Variants in TBC1D5 observed in about 807,000 individuals in gnomAD.
TBC1D5 encodes the protein TBC1 domain family, member 5.
TBC1D5 carries 75 observed loss-of-function variants against 100.3 expected under a neutral mutation model. The ratio of observed to expected loss-of-function variants is 0.75; its 90% CI spans 0.62 to 0.91. TBC1D5 has a LOEUF of 0.91. TBC1D5 is among the 40% of genes least tolerant of loss of function. The pLI, the probability that TBC1D5 is intolerant of heterozygous loss-of-function variation, is 0.00. For synonymous variants in TBC1D5, 323 were observed against 325.6 expected (o/e 0.99, Z 0.09); for missense variants, 910 against 942.4 (o/e 0.97, Z 0.45).
chr3:17,360,214 C>T (rs563920150), intron 13 of TBC1D5, among the ~76,000 whole-genome samples: 12 of 152,046 alleles, frequency 7.9e-5, no homozygotes, highest in African/African-American at 2.6e-4. Flanking sequence ...TTTTATTTTT[C>T]CTGACCCTTG....
intron 15 of TBC1D5, among the ~76,000 whole-genome samples, chr3:17,282,406 T>A (rs2080706938): frequency 6.6e-6 from 1 of 152,234 alleles, no homozygotes; most frequent in Non-Finnish European, 1.5e-5. Context: ...TAGATTTTCC[T>A]TACTTGTAAG....
chr3:17,508,275 C>T (rs1221329512), intron 3 of TBC1D5, among the ~76,000 whole-genome samples, 199 bp downstream of exon 3: 2 of 152,198 alleles, frequency 1.3e-5, no homozygotes, highest in Admixed American at 1.3e-4. Context: ...GCTAATGCTT[C>T]CATGAATAAC....
intron 15 of TBC1D5, among the ~76,000 whole-genome samples, chr3:17,287,588 A>G (rs570866802): frequency 4.8e-4 from 73 of 152,380 alleles, no homozygotes; most frequent in African/African-American, 1.7e-3. Flanking sequence ...AAAAGTGAGG[A>G]AAGATAACCT....
chr3:17,509,136 G>C (rs2095874426), intron 2 of TBC1D5, among the ~76,000 whole-genome samples: 1 of 151,284 alleles, frequency 6.6e-6, no homozygotes, highest in South Asian at 2.1e-4. Flanking sequence ...TGTAATCTAT[G>C]AATACTTTAA....
chr3:17,376,669 G>C lies in TBC1D5; in HGVS notation c.613-56C>G, dbSNP rs941051850. On this transcript the variant is annotated intron_variant, in intron 9 of 21. Coordinates refer to ENST00000253692, the Ensembl canonical transcript of TBC1D5. Reference sequence around the variant, plus strand: ...GATGGATACTCAGAGTCCATTAGTGGACAGTATAAACTCAGTTAAATACTT... The same window carrying C: ...GATGGATACTCAGAGTCCATTAGTGCACAGTATAAACTCAGTTAAATACTT... The C allele has an allele frequency of 3.3e-6, 5 of 1,508,420 alleles. No homozygotes were observed. In the African/African-American group the frequency reaches 7.0e-5, roughly 21 times the overall value. 93.4% of individuals were successfully genotyped at this position (1,508,420 alleles called of 1,614,324 possible). A position where few individuals can be genotyped will look rare whatever the true frequency, so the allele number is the denominator to read the frequency against.
At chr3:17,598,242 G>A (rs1046461790) in intron 2 of TBC1D5, among the ~76,000 whole-genome samples, 13 of 152,110 alleles carry the variant, frequency 8.5e-5, no homozygotes, top group African/African-American at 3.1e-4. Flanking sequence ...ATTTCCTGTG[G>A]TAGGCATAAG....
rs2077827461 is a variant in TBC1D5, at chr3:17,257,552, A to G, written c.1331+954T>C. ...AATTGCATGGTACATCAATATATGG[A>G]GCAAACAGATTTCAATCAGAGATGG... On this transcript the variant is annotated intron_variant, in intron 16 of 21. Coordinates refer to ENST00000253692, the Ensembl canonical transcript of TBC1D5. Among the ~76,000 whole-genome samples the G allele has an allele frequency of 1.3e-5, 2 of 152,202 alleles. 1 individual carries two copies. The highest frequency in any genetic ancestry group is 1.3e-4 in the Admixed American group (2 of 15,278).
chr3:17,237,613 TCTAA>T (rs1416805284), intron 17 of TBC1D5, among the ~76,000 whole-genome samples: 1 of 152,236 alleles, frequency 6.6e-6, no homozygotes, highest in East Asian at 1.9e-4. Flanking sequence ...ATTCTGTGGT[TCTAA>T]CTTTTATTTT....
At chr3:17,685,124 C>T (rs992741825) in intron 1 of TBC1D5, among the ~76,000 whole-genome samples, 1 of 151,844 alleles carries the variant, frequency 6.6e-6, no homozygotes, top group African/African-American at 2.4e-5. Flanking sequence ...ACATAATACA[C>T]AAACATTCTA....
intron 13 of TBC1D5, among the ~76,000 whole-genome samples, chr3:17,311,801 G>A (rs1414651658): frequency 6.6e-6 from 1 of 151,988 alleles, no homozygotes; most frequent in East Asian, 1.9e-4. Flanking sequence ...CACATTATAA[G>A]GGCATCTTGA....
intron 13 of TBC1D5, among the ~76,000 whole-genome samples, chr3:17,323,906 A>T (rs2085748589): frequency 6.6e-6 from 1 of 152,260 alleles, no homozygotes; most frequent in Non-Finnish European, 1.5e-5. Flanking sequence ...GAGGACTCAT[A>T]TTATGTGATA....
intron 6 of TBC1D5, 32 bp downstream of exon 6, chr3:17,404,840 A>G: frequency 6.4e-7 from 1 of 1,557,512 alleles, no homozygotes. Context: ...ATAAGAAAAC[A>G]ATTACATTAA....
chr3:17,670,279 C>G (rs1011348610), intron 1 of TBC1D5, among the ~76,000 whole-genome samples: 1 of 152,184 alleles, frequency 6.6e-6, no homozygotes, highest in East Asian at 1.9e-4. Flanking sequence ...GTTCTGGGCT[C>G]GAACACAAAT....
chr3:17,289,652 G>C (rs961502159), intron 15 of TBC1D5, among the ~76,000 whole-genome samples: 4 of 149,952 alleles, frequency 2.7e-5, no homozygotes, highest in Non-Finnish European at 4.4e-5. Flanking sequence ...AAAAAAGTCA[G>C]TTCTTCAAAG....
At chr3:17,713,851 C>A (rs754214178) in intron 1 of TBC1D5, among the ~76,000 whole-genome samples, 35 of 152,024 alleles carry the variant, frequency 2.3e-4, no homozygotes, top group Non-Finnish European at 4.0e-4. Context: ...AGCAAAATGG[C>A]AAAGTAGGGA....
chr3:17,419,137 C>A (rs1186530285), intron 4 of TBC1D5, among the ~76,000 whole-genome samples: 2 of 152,202 alleles, frequency 1.3e-5, no homozygotes, highest in Admixed American at 6.5e-5. Flanking sequence ...CTCTGAAGGG[C>A]TCTTATACAC....
intron 1 of TBC1D5, among the ~76,000 whole-genome samples, chr3:17,704,394 A>G (rs2073674654): frequency 6.6e-6 from 1 of 151,736 alleles, no homozygotes; most frequent in Non-Finnish European, 1.5e-5. Context: ...TATTCCACAA[A>G]GCAGCCATTG....
intron 1 of TBC1D5, among the ~76,000 whole-genome samples, chr3:17,667,653 T>C (rs2067422163): frequency 6.6e-6 from 1 of 152,054 alleles, no homozygotes; most frequent in African/African-American, 2.4e-5. Flanking sequence ...AGTTTCGCCA[T>C]GTTGCCCAGG....
intron 9 of TBC1D5, among the ~76,000 whole-genome samples, chr3:17,383,302 A>T (rs2093023937): frequency 6.6e-6 from 1 of 151,890 alleles, no homozygotes; most frequent in South Asian, 2.1e-4. Context: ...AAAATACCCA[A>T]GTGTGTGTAT....
Sources: gnomAD v4.1 joint callset for allele counts (sites outside exome capture counted in the v4.1 genomes callset) on GRCh38, gnomAD v4.1.1 for gene constraint, MANE v1.5 for transcripts, NCBI Gene and HGNC (gene_info 2026-07-23, HGNC 2026-07-21) for gene names.